SMURF1: variants seen among roughly 807,000 people sequenced by gnomAD.
The protein encoded by SMURF1 is E3 ubiquitin-protein ligase SMURF1.
SMURF1 carries 44 observed loss-of-function variants against 98.0 expected under a neutral mutation model. The ratio of observed to expected loss-of-function variants is 0.45; its 90% CI spans 0.35 to 0.58. The LOEUF is 0.58. SMURF1 is among the 20% of genes least tolerant of loss of function. SMURF1 has a pLI of 0.00. For missense variants in SMURF1, 687 were observed against 938.4 expected (o/e 0.73, Z 3.50); for synonymous variants, 396 against 374.9 (o/e 1.06, Z -0.65).
chr7:99,049,748 A>C lies in SMURF1; in HGVS notation c.807-39T>G, dbSNP rs181198393. ...AGATACAGAGAGGTTTGTCCAACTGAGTATGGAGGAATGAGACCAAAAGTC... is the reference window on the plus strand; with the variant it reads ...AGATACAGAGAGGTTTGTCCAACTGCGTATGGAGGAATGAGACCAAAAGTC... On this transcript the variant is annotated intron_variant, in intron 8 of 17. Transcript: ENST00000361368. The C allele has an allele frequency of 6.6e-5, 105 of 1,592,636 alleles. 1 individual carries two copies. In the East Asian group the frequency reaches 2.2e-3, roughly 34 times the overall value.
At chr7:99,047,955 C>A in intron 9 of SMURF1, 73 bp from the exon 10 acceptor site, 1 of 1,414,798 alleles carries the variant, frequency 7.1e-7, no homozygotes. Context: ...ACGTACGCGA[C>A]AGGGTCAGAG....
intron 1 of SMURF1, among the ~76,000 whole-genome samples, chr7:99,108,484 T>C (rs1046289378): frequency 3.3e-5 from 5 of 149,744 alleles, no homozygotes; most frequent in African/African-American, 1.2e-4. Flanking sequence ...TGGTGGTGCA[T>C]GCCTGTAATC....
Position 99,030,653 on chromosome 7 carries a change from C to T in SMURF1, c.2127G>A (p.Glu709=). 6.2e-7 allele frequency: 1 copy of T among 1,614,104 alleles called. No individual in the cohort carries two copies. Residue 709 remains glutamate, a synonymous_variant, in exon 18 of 18, where the codon GAG becomes GAA. Coordinates refer to ENST00000361368, the MANE Select transcript of SMURF1 (RefSeq NM_181349.3). ...CFNRIDIPPY[E]SYEKLYEKLL... is the part of the protein sequence containing the mutation. ...GCTTCTCGTAGAGCTTCTCATAGGA[C>T]TCATATGGTGGAATGTCGATCCGGT...
At chr7:99,063,291 A>AAGATT (rs1203606399) in intron 1 of SMURF1, among the ~76,000 whole-genome samples, 1 of 26,506 alleles carries the variant, frequency 3.8e-5, no homozygotes, top group Non-Finnish European at 9.5e-5. Context: ...ATATATATAT[A>AAGATT]TATATATATA....
At chr7:99,062,834 C>T (rs993720423) in intron 1 of SMURF1, among the ~76,000 whole-genome samples, 4 of 151,866 alleles carry the variant, frequency 2.6e-5, no homozygotes, top group Non-Finnish European at 4.4e-5. Flanking sequence ...GGTGACAGAG[C>T]GAGACTCTGT....
intron 1 of SMURF1, among the ~76,000 whole-genome samples, chr7:99,091,313 AC>A (rs1237151477): frequency 2.0e-5 from 3 of 152,216 alleles, no homozygotes; most frequent in Non-Finnish European, 4.4e-5. Context: ...TACCCATGAA[AC>A]TTGAACCAGA....
rs537708199 is a variant in SMURF1, at chr7:99,122,934, G to A, written c.55+20792C>T. Among the ~76,000 whole-genome samples, 33 of 151,358 alleles carry A rather than the reference G, an allele frequency of 2.2e-4. No individual in the cohort carries two copies. In the South Asian group the frequency reaches 5.4e-3, roughly 25 times the overall value. Reference sequence around the variant, plus strand: ...AGGCTAATGAAGCAGAATCCCAAACGCTGCCTCAAAGTGACAGGCAGGTTC... The same window carrying A: ...AGGCTAATGAAGCAGAATCCCAAACACTGCCTCAAAGTGACAGGCAGGTTC... On this transcript the variant is annotated intron_variant, in intron 1 of 17. Coordinates refer to ENST00000361368, the MANE Select transcript of SMURF1 (RefSeq NM_181349.3).
Position 99,109,737 on chromosome 7 carries a change from A to C in SMURF1, c.55+33989T>G, listed in dbSNP as rs77358572. On this transcript the variant is annotated intron_variant, in intron 1 of 17. Transcript: ENST00000361368. The stretch of plus-strand genomic sequence containing the variant: ...GACTGGACTCTGAGTGAGTCACCAA[A>C]GATAACGAAAAAGCATTTGATAAAA... 4.5e-3 allele frequency among the ~76,000 whole-genome samples: 692 copies of C among 152,354 alleles called. 5 individuals are homozygous for C. Among genetic ancestry groups the C allele is most frequent in the African/African-American group, 0.016 (656 of 41,576 alleles).
Position 99,040,544 on chromosome 7 carries a change from A to G in SMURF1, c.1384T>C (p.Tyr462His). 6.7e-7 allele frequency: 1 copy of G among 1,487,274 alleles called. No individual in the cohort carries two copies. The highest frequency in any genetic ancestry group is 9.0e-7 in the Non-Finnish European group (1 of 1,117,266). 92.1% of individuals were successfully genotyped at this position (1,487,274 alleles called of 1,614,324 possible). Residue 462 changes from tyrosine (Y) to histidine (H), a missense_variant, in exon 13 of 18, where the codon TAT (tyrosine) becomes CAT (histidine). Physicochemically the swap from Tyr to His is moderately conservative, Grantham distance 83. Coordinates refer to ENST00000361368, the MANE Select transcript of SMURF1 (RefSeq NM_181349.3). ...ATGATCCGCCCCACAAAGTGGAAAT[A>G]AGACAAGTGGTCCTGTAGGGGGCAC... ...DSSINPDHLS[Y>H]FHFVGRIMGL...
At chr7:99,097,740 A>G (rs1436927224) in intron 1 of SMURF1, among the ~76,000 whole-genome samples, 2 of 152,262 alleles carry the variant, frequency 1.3e-5, no homozygotes, top group African/African-American at 4.8e-5. Flanking sequence ...AATGCACTTC[A>G]AAAAGCCCAA....
Position 99,143,834 on chromosome 7 carries a change from G to T in SMURF1, c.-54C>A, listed in dbSNP as rs1200336597. 7.7e-6 allele frequency: 11 copies of T among 1,422,986 alleles called. No homozygotes were observed. The East Asian group carries it at 3.6e-4, about 46-fold the overall frequency. The allele number at this position is 1,422,986 out of a possible 1,614,324, so 88.1% of individuals were successfully genotyped here. A position where few individuals can be genotyped will look rare whatever the true frequency, so the allele number is the denominator to read the frequency against. On this transcript the variant is annotated 5_prime_UTR_variant, in exon 1 of 18. Coordinates refer to ENST00000361368, the MANE Select transcript of SMURF1 (RefSeq NM_181349.3). ...TCCAGCGCCACCGCCCCCCAGCCCG[G>T]CCCGGCCCGGCCCCGCCGCCGCCGC...
intron 1 of SMURF1, among the ~76,000 whole-genome samples, chr7:99,088,207 G>A (rs1220649042): frequency 4.6e-5 from 7 of 151,134 alleles, no homozygotes; most frequent in East Asian, 1.9e-4. Flanking sequence ...GCAGTGAGCC[G>A]AGATCGTGCC....
Position 99,029,783 on chromosome 7 carries a change from T to G in SMURF1, c.*801A>C, listed in dbSNP as rs1036135121. 2.0e-5 allele frequency: 3 copies of G among 152,152 alleles called. No individual in the cohort carries two copies. Among genetic ancestry groups the G allele is most frequent in the Admixed American group, 6.5e-5 (1 of 15,274 alleles). The allele number at this position is 152,152 out of a possible 1,614,324, so 9.4% of individuals were successfully genotyped here. The stretch of plus-strand genomic sequence containing the variant: ...GACTGGTTGGCTCTAGGGCTGATTT[T>G]GGTCTGCTCTTTCCTACACTCCATG... On this transcript the variant is annotated 3_prime_UTR_variant, in exon 18 of 18. Coordinates refer to ENST00000361368, the MANE Select transcript of SMURF1 (RefSeq NM_181349.3).
intron 1 of SMURF1, among the ~76,000 whole-genome samples, chr7:99,080,467 CT>C (rs923272928): frequency 2.6e-5 from 4 of 152,070 alleles, no homozygotes; most frequent in Admixed American, 2.0e-4. Flanking sequence ...ACCCGGCTAA[CT>C]TTGTATTTTT....
intron 1 of SMURF1, 36 bp downstream of exon 1, chr7:99,143,690 G>C (rs776885899): frequency 7.2e-6 from 11 of 1,529,818 alleles, no homozygotes; most frequent in South Asian, 1.2e-5. Context: ...GGGCGAGGGG[G>C]CGCCGGGGCG....
In SMURF1 at chr7:99,121,270, C is replaced by A. The variant is rs1027272131; in HGVS notation, c.55+22456G>T. ...AAATAGTGTGAGTTGAGATTAATGACAATTAACAGGGAAATAATGCTATTT... is the reference window on the plus strand; with the variant it reads ...AAATAGTGTGAGTTGAGATTAATGAAAATTAACAGGGAAATAATGCTATTT... On this transcript the variant is annotated intron_variant, in intron 1 of 17. Coordinates refer to ENST00000361368, the MANE Select transcript of SMURF1 (RefSeq NM_181349.3). 187 of 145,420 alleles carry A rather than the reference C, an allele frequency of 1.3e-3. 1 individual carries two copies. Among genetic ancestry groups the A allele is most frequent in the African/African-American group, 4.6e-3 (178 of 38,990 alleles). 9.0% of individuals were successfully genotyped at this position (145,420 alleles called of 1,614,324 possible). A position where few individuals can be genotyped will look rare whatever the true frequency, so the allele number is the denominator to read the frequency against.
chr7:99,093,253 T>C (rs1363176795), intron 1 of SMURF1, among the ~76,000 whole-genome samples: 1 of 152,200 alleles, frequency 6.6e-6, no homozygotes, highest in East Asian at 1.9e-4. Context: ...AATTGTTATA[T>C]TCTGGAAATG....
intron 1 of SMURF1, among the ~76,000 whole-genome samples, chr7:99,119,295 T>C (rs1345565238): frequency 6.6e-6 from 1 of 152,068 alleles, no homozygotes; most frequent in East Asian, 1.9e-4. Flanking sequence ...CGTGAAGAGA[T>C]TTCCTTTCCA....
At chr7:99,071,408 A>G (rs938798311) in intron 1 of SMURF1, among the ~76,000 whole-genome samples, 2 of 152,124 alleles carry the variant, frequency 1.3e-5, no homozygotes, top group African/African-American at 4.8e-5. Context: ...TCATGAAGGA[A>G]CCGTCATTTT....
Sources: gnomAD v4.1 joint callset for allele counts (sites outside exome capture counted in the v4.1 genomes callset) on GRCh38, gnomAD v4.1.1 for gene constraint, MANE v1.5 for transcripts, NCBI Gene and HGNC (gene_info 2026-07-23, HGNC 2026-07-21) for gene names.